HS3ST5: variants seen among roughly 807,000 people sequenced by gnomAD.
HS3ST5 encodes the protein heparan sulfate glucosamine 3-O-sulfotransferase 5.
HS3ST5 carries 10 observed loss-of-function variants against 25.4 expected under a neutral mutation model. The ratio of observed to expected loss-of-function variants is 0.39; its 90% CI spans 0.24 to 0.67. The LOEUF (loss-of-function observed/expected upper bound fraction) is 0.67. Ranked by LOEUF, HS3ST5 falls within the 30% of genes least tolerant of loss-of-function variation. The pLI is 0.44. For missense variants in HS3ST5, 324 were observed against 420.7 expected (o/e 0.77, Z 2.01); for synonymous variants, 170 against 162.4 (o/e 1.05, Z -0.36).
intron 2 of HS3ST5, among the ~76,000 whole-genome samples, chr6:114,195,776 G>A (rs1224643129): frequency 6.6e-6 from 1 of 152,152 alleles, no homozygotes; most frequent in Non-Finnish European, 1.5e-5. Flanking sequence ...CAGGCAGTTA[G>A]GGTGGGTCCT....
At chr6:114,326,054 T>C (rs917024810) in intron 1 of HS3ST5, among the ~76,000 whole-genome samples, 1 of 151,434 alleles carries the variant, frequency 6.6e-6, no homozygotes, top group Non-Finnish European at 1.5e-5. Context: ...TAATTTACTT[T>C]CTCACCTGAC....
intron 3 of HS3ST5, among the ~76,000 whole-genome samples, chr6:114,074,529 C>G (rs998597006): frequency 6.6e-6 from 1 of 151,870 alleles, no homozygotes; most frequent in Non-Finnish European, 1.5e-5. Context: ...GGGGGCCTAC[C>G]CCTCATCTTC....
intron 3 of HS3ST5, among the ~76,000 whole-genome samples, chr6:114,067,810 C>T (rs1241826106): frequency 6.6e-6 from 1 of 152,066 alleles, no homozygotes; most frequent in Non-Finnish European, 1.5e-5. Context: ...CATGAGTGAA[C>T]CACTCATGGT....
At chr6:114,329,378 G>T (rs1048471978) in intron 1 of HS3ST5, among the ~76,000 whole-genome samples, 1 of 152,182 alleles carries the variant, frequency 6.6e-6, no homozygotes, top group African/African-American at 2.4e-5. Flanking sequence ...CTAAAACTCT[G>T]TAATAGCCTA....
chr6:114,074,465 C>T (rs1774004531), intron 3 of HS3ST5, among the ~76,000 whole-genome samples: 1 of 152,150 alleles, frequency 6.6e-6, no homozygotes, highest in Non-Finnish European at 1.5e-5. Flanking sequence ...TCAGGCCTTT[C>T]CCAAGTTCCC....
intron 3 of HS3ST5, among the ~76,000 whole-genome samples, chr6:114,098,533 A>ATATATATTTTAATATATAATATTAAAT (rs1465821797): frequency 6.7e-6 from 1 of 148,438 alleles, no homozygotes; most frequent in Non-Finnish European, 1.5e-5. Flanking sequence ...TCACTATCAA[A>ATATATATTTTAATATATAATATTAAAT]TATATATTTT....
intron 3 of HS3ST5, among the ~76,000 whole-genome samples, chr6:114,130,771 G>A (rs1228990175): frequency 3.3e-5 from 5 of 152,198 alleles, no homozygotes; most frequent in East Asian, 1.9e-4. Flanking sequence ...GGGTTTCACC[G>A]TGTTAGCCAG....
chr6:114,182,789 T>C (rs1486124573), intron 2 of HS3ST5, among the ~76,000 whole-genome samples: 1 of 152,200 alleles, frequency 6.6e-6, no homozygotes, highest in Non-Finnish European at 1.5e-5. Context: ...AGCCAAATGA[T>C]ACCCAGGTGA....
intron 1 of HS3ST5, among the ~76,000 whole-genome samples, chr6:114,269,360 A>G (rs9488362): frequency 0.038 from 5,738 of 152,250 alleles, 164 homozygotes; most frequent in African/African-American, 0.08. Flanking sequence ...AAACCCCACC[A>G]TATGTAAGAC....
At chr6:114,122,327 C>A (rs1382391727) in intron 3 of HS3ST5, among the ~76,000 whole-genome samples, 1 of 152,172 alleles carries the variant, frequency 6.6e-6, no homozygotes, top group Non-Finnish European at 1.5e-5. Flanking sequence ...TCACCTATCA[C>A]ACAATTTAGT....
At chr6:114,099,071 T>TA (rs1229384797) in intron 3 of HS3ST5, among the ~76,000 whole-genome samples, 1 of 152,136 alleles carries the variant, frequency 6.6e-6, no homozygotes, top group African/African-American at 2.4e-5. Context: ...CTAGAACTCC[T>TA]GATAGATAGG....
intron 2 of HS3ST5, among the ~76,000 whole-genome samples, chr6:114,209,751 T>A (rs1284180149): frequency 6.6e-6 from 1 of 151,826 alleles, no homozygotes; most frequent in Non-Finnish European, 1.5e-5. Context: ...TGACTGGAAG[T>A]CAGAAGGGGG....
intron 3 of HS3ST5, among the ~76,000 whole-genome samples, chr6:114,074,308 C>CA (rs111852622): frequency 0.15 from 19,908 of 136,452 alleles, 1,341 homozygotes; most frequent in Middle Eastern, 0.21. Context: ...AAAAAAAGAG[C>CA]AAAAAAAAAA....
intron 3 of HS3ST5, among the ~76,000 whole-genome samples, chr6:114,094,485 C>T (rs1049308213): frequency 3.3e-5 from 5 of 152,114 alleles, no homozygotes; most frequent in Non-Finnish European, 7.4e-5. Context: ...ATGTAGGAAC[C>T]CTTCTGAATG....
rs185982111 is a variant in HS3ST5, at chr6:114,305,514, C to T, written c.-339+36681G>A. On this transcript the variant is annotated intron_variant, in intron 1 of 4. Coordinates refer to ENST00000312719, the MANE Select transcript of HS3ST5 (RefSeq NM_153612.4). Reference sequence around the variant, plus strand: ...CTAGTTCAGCTAGCAACTCAAAGGACCCACATGAACTTTTCCTCAAGACTG... The same window carrying T: ...CTAGTTCAGCTAGCAACTCAAAGGATCCACATGAACTTTTCCTCAAGACTG... Among the ~76,000 whole-genome samples, 6 of 152,140 alleles carry T rather than the reference C, an allele frequency of 3.9e-5. No individual in the cohort carries two copies. In the East Asian group the frequency reaches 1.2e-3, roughly 29 times the overall value.
intron 2 of HS3ST5, among the ~76,000 whole-genome samples, chr6:114,214,024 G>A (rs1781637380): frequency 6.6e-6 from 1 of 152,042 alleles, no homozygotes; most frequent in Admixed American, 6.5e-5. Context: ...CATTCACTCT[G>A]TTTTCTGTCC....
chr6:114,264,355 G>A (rs1237337472), intron 1 of HS3ST5, among the ~76,000 whole-genome samples: 5 of 152,118 alleles, frequency 3.3e-5, no homozygotes, highest in East Asian at 3.9e-4. Flanking sequence ...AAAAGGACAC[G>A]TATAATCTAC....
chr6:114,139,805 G>A (rs571204721), intron 3 of HS3ST5, among the ~76,000 whole-genome samples: 12 of 152,268 alleles, frequency 7.9e-5, no homozygotes, highest in African/African-American at 2.2e-4. Context: ...GGTCATACTG[G>A]CAGGAAATGG....
chr6:114,096,975 T>C (rs1397697622), intron 3 of HS3ST5, among the ~76,000 whole-genome samples: 1 of 152,074 alleles, frequency 6.6e-6, no homozygotes, highest in Admixed American at 6.6e-5. Flanking sequence ...AATGTAAATA[T>C]GCACCTGATA....
Sources: allele counts gnomAD v4.1 joint callset (sites outside exome capture counted in the v4.1 genomes callset), GRCh38; gene constraint gnomAD v4.1.1; transcripts MANE v1.5; gene names NCBI Gene and HGNC (gene_info 2026-07-23, HGNC 2026-07-21).